PLEKHH2: variants seen among roughly 807,000 people sequenced by gnomAD.
The protein encoded by PLEKHH2 is pleckstrin homology domain-containing family H member 2.
Under a neutral mutation model 187.9 loss-of-function variants are expected in PLEKHH2, and 129 were observed. The ratio of observed to expected loss-of-function variants is 0.69; its 90% CI spans 0.59 to 0.79. PLEKHH2 has a LOEUF of 0.79. Among genes scored for constraint, PLEKHH2 ranks in the 30% least tolerant of loss-of-function variants. PLEKHH2 has a pLI of 0.00. For missense variants in PLEKHH2, 2,076 were observed against 1,751.2 expected, an observed-to-expected ratio of 1.19 and a Z score of -3.31; for synonymous variants, 686 against 605.6, an observed-to-expected ratio of 1.13 and a Z score of -1.95.
At chr2:43,676,669 G>T (rs1262249049) in intron 2 of PLEKHH2, among the ~76,000 whole-genome samples, 1 of 152,148 alleles carries the variant, frequency 6.6e-6, no homozygotes, top group African/African-American at 2.4e-5. Context: ...TTTACCTCAC[G>T]ATTTGTGTAT....
At chr2:43,653,520 C>G (rs912923520) in intron 2 of PLEKHH2, among the ~76,000 whole-genome samples, 5 of 152,122 alleles carry the variant, frequency 3.3e-5, no homozygotes, top group Non-Finnish European at 7.4e-5. Context: ...TGAGGACTCT[C>G]CAGAAGGAGT....
intron 28 of PLEKHH2, among the ~76,000 whole-genome samples, chr2:43,762,937 C>A (rs1321672870): frequency 1.3e-5 from 2 of 151,968 alleles, no homozygotes; most frequent in African/African-American, 4.8e-5. Flanking sequence ...CAATTTTATT[C>A]TCTTTTTTGT....
chr2:43,719,310 T>C (rs1418607150), intron 15 of PLEKHH2, among the ~76,000 whole-genome samples: 1 of 152,240 alleles, frequency 6.6e-6, no homozygotes, highest in African/African-American at 2.4e-5. Context: ...AGGTACTCAA[T>C]TTACAGTAAT....
At chr2:43,658,260 G>T (rs1666890129) in intron 2 of PLEKHH2, among the ~76,000 whole-genome samples, 1 of 152,006 alleles carries the variant, frequency 6.6e-6, no homozygotes, top group African/African-American at 2.4e-5. Flanking sequence ...TCTTAAATCT[G>T]GTAATTTATA....
chr2:43,649,349 G>T (rs556335010), intron 2 of PLEKHH2, among the ~76,000 whole-genome samples: 1 of 152,148 alleles, frequency 6.6e-6, no homozygotes, highest in Non-Finnish European at 1.5e-5. Flanking sequence ...TTAGATTTTC[G>T]GTGAAAAGGA....
chr2:43,646,237 G>A (rs577342004), intron 2 of PLEKHH2, among the ~76,000 whole-genome samples: 2 of 152,180 alleles, frequency 1.3e-5, no homozygotes, highest in South Asian at 2.1e-4. Flanking sequence ...TTTTTCTAAC[G>A]TAACTTAGTG....
chr2:43,649,866 T>A (rs1251282483), intron 2 of PLEKHH2, among the ~76,000 whole-genome samples: 3 of 152,170 alleles, frequency 2.0e-5, no homozygotes, highest in African/African-American at 4.8e-5. Context: ...CCTAAAGGAT[T>A]CCACCTAAAT....
intron 8 of PLEKHH2, 63 bp downstream of exon 8, chr2:43,700,671 G>C: frequency 6.6e-7 from 1 of 1,519,724 alleles, no homozygotes; most frequent in South Asian, 1.3e-5. Context: ...TTTTTTTTCT[G>C]GGAGGGAGTC....
intron 3 of PLEKHH2, chr2:43,680,976 C>T: frequency 8.7e-7 from 1 of 1,144,772 alleles, no homozygotes; most frequent in Non-Finnish European, 1.2e-6. Context: ...TTTCTAGTTT[C>T]CGTTACTGTT....
At chr2:43,645,477 G>T (rs1199323251) in intron 2 of PLEKHH2, among the ~76,000 whole-genome samples, 1 of 151,988 alleles carries the variant, frequency 6.6e-6, no homozygotes, top group African/African-American at 2.4e-5. Context: ...TTGAATTCTA[G>T]ACCTCTGCTG....
At chr2:43,695,845 G>C (rs1218972019) in intron 6 of PLEKHH2, among the ~76,000 whole-genome samples, 1 of 152,150 alleles carries the variant, frequency 6.6e-6, no homozygotes, top group East Asian at 1.9e-4. Context: ...CCATACATTT[G>C]TAGCTGCATT....
rs764143960 is a variant in PLEKHH2 at position 43,710,377 on chromosome 2, A to G, written c.2214+47A>G. Reference sequence around the variant, plus strand: ...TTTAGAACGTAATTCCTCAAACTATAAATCAGACGCCTGATTGATTTCCTT... The same window carrying G: ...TTTAGAACGTAATTCCTCAAACTATGAATCAGACGCCTGATTGATTTCCTT... On this transcript the variant is annotated intron_variant, in intron 13 of 29. Coordinates refer to ENST00000282406, the MANE Select transcript of PLEKHH2 (RefSeq NM_172069.4). 4 of 1,592,688 alleles carry G rather than the reference A, an allele frequency of 2.5e-6. No homozygotes were observed. In the Admixed American group the frequency reaches 6.8e-5, roughly 27 times the overall value.
intron 27 of PLEKHH2, among the ~76,000 whole-genome samples, chr2:43,759,359 G>A (rs1047674851): frequency 6.6e-6 from 1 of 152,162 alleles, no homozygotes; most frequent in Admixed American, 6.5e-5. Context: ...TATTTACTAA[G>A]TTCTGTCTGC....
At chr2:43,730,917 T>C (rs1388541224) in intron 18 of PLEKHH2, among the ~76,000 whole-genome samples, 3 of 152,220 alleles carry the variant, frequency 2.0e-5, no homozygotes, top group Admixed American at 2.0e-4. Flanking sequence ...CCCAGCTCTT[T>C]CTCATATATA....
intron 3 of PLEKHH2, among the ~76,000 whole-genome samples, chr2:43,684,869 T>C (rs978408780): frequency 1.3e-5 from 2 of 151,864 alleles, no homozygotes; most frequent in Non-Finnish European, 2.9e-5. Context: ...AGAGTTTCCA[T>C]GTGTTAGCAA....
In PLEKHH2 at chr2:43,675,844, T is replaced by TC. The variant is rs761225343; in HGVS notation, c.124-3016dup. 1.9e-6 allele frequency: 3 copies of TC among 1,614,000 alleles called. No homozygotes were observed. The South Asian group carries it at 3.3e-5, about 18-fold the overall frequency. On this transcript the variant is annotated intron_variant, in intron 2 of 29. Coordinates refer to ENST00000282406, the MANE Select transcript of PLEKHH2 (RefSeq NM_172069.4). The stretch of plus-strand genomic sequence containing the variant: ...GCCCAGATAGAAGGGCTGGGATGCA[T>TC]CCCTTGTAAACAAAAGGTACTTTAA...
Position 43,765,682 on chromosome 2 carries a change from C to A in PLEKHH2, c.*84C>A. 7.6e-7 allele frequency: 1 copy of A among 1,313,830 alleles called. No individual in the cohort carries two copies. Among genetic ancestry groups the A allele is most frequent in the Non-Finnish European group, 1.0e-6 (1 of 966,082 alleles). 81.4% of individuals were successfully genotyped at this position (1,313,830 alleles called of 1,614,324 possible). A position where few individuals can be genotyped will look rare whatever the true frequency, so the allele number is the denominator to read the frequency against. Reference sequence around the variant, plus strand: ...CTACAAGTTCGTTTACACCTGGCAGCACGGCAGCCACACACCGGTATTCCA... The same window carrying A: ...CTACAAGTTCGTTTACACCTGGCAGAACGGCAGCCACACACCGGTATTCCA... On this transcript the variant is annotated 3_prime_UTR_variant, in exon 30 of 30. Coordinates refer to ENST00000282406, the MANE Select transcript of PLEKHH2 (RefSeq NM_172069.4).
intron 2 of PLEKHH2, chr2:43,675,299 C>T: frequency 1.0e-6 from 1 of 973,586 alleles, no homozygotes; most frequent in Admixed American, 3.3e-5. Context: ...GTATTTTACA[C>T]TTACACTGTA....
rs755401500 is a variant in PLEKHH2 at position 43,710,552 on chromosome 2, G to A, written c.2278G>A (p.Gly760Arg). 15 of 1,593,938 alleles carry A rather than the reference G, an allele frequency of 9.4e-6. No individual in the cohort carries two copies. In the Admixed American group the frequency reaches 1.3e-4, roughly 14 times the overall value. ...ELSASCSILR[G>R]DNKQTVQLTT... ...TAGTGCATCCTGTAGTATTTTAAGAGGAGATAACAAACAAACAGTTCAGGT... is the reference window on the plus strand; with the variant it reads ...TAGTGCATCCTGTAGTATTTTAAGAAGAGATAACAAACAAACAGTTCAGGT... Residue 760 changes from glycine (G) to arginine (R), a missense_variant, in exon 14 of 30, where the codon GGA becomes AGA. By Grantham distance (125) the Gly-to-Arg change is moderately radical (BLOSUM62 -2). Coordinates refer to ENST00000282406, the MANE Select transcript of PLEKHH2 (RefSeq NM_172069.4).
Sources: allele counts gnomAD v4.1 joint callset (sites outside exome capture counted in the v4.1 genomes callset), GRCh38; gene constraint gnomAD v4.1.1; transcripts MANE v1.5; gene names NCBI Gene and HGNC (gene_info 2026-07-23, HGNC 2026-07-21).